The following ABHD17C variants were observed in gnomAD, a reference collection of about 807,000 sequenced individuals.
ABHD17C encodes the protein alpha/beta hydrolase domain-containing protein 17C.
A neutral mutation model predicts 27.9 loss-of-function variants in ABHD17C; 11 were observed. The ratio of observed to expected loss-of-function variants is 0.39; its 90% CI spans 0.25 to 0.65. ABHD17C has a LOEUF of 0.65. Ranked by LOEUF, ABHD17C falls within the 30% of genes least tolerant of loss-of-function variation. ABHD17C has a pLI of 0.45. For synonymous variants in ABHD17C, 233 were observed against 209.1 expected (o/e 1.11, Z -0.98); for missense variants, 280 against 470.2 (o/e 0.60, Z 3.74).
chr15:80,702,504 G>A (rs1222200196), intron 1 of ABHD17C, among the ~76,000 whole-genome samples: 1 of 152,022 alleles, frequency 6.6e-6, no homozygotes, highest in Non-Finnish European at 1.5e-5. Context: ...TTTTTCCCCT[G>A]CAGAAGTCAC....
intron 1 of ABHD17C, among the ~76,000 whole-genome samples, chr15:80,718,030 A>G (rs2141500630): frequency 6.6e-6 from 1 of 152,300 alleles, no homozygotes; most frequent in East Asian, 1.9e-4. Flanking sequence ...CTGATTATTG[A>G]AAAATAAATA....
At chr15:80,707,571 CA>C (rs1295808927) in intron 1 of ABHD17C, among the ~76,000 whole-genome samples, 2,080 of 139,436 alleles carry the variant, frequency 0.015, 31 homozygotes, top group African/African-American at 0.051. Flanking sequence ...AGCCCCCCCT[CA>C]AAAAAAAAAA....
intron 1 of ABHD17C, among the ~76,000 whole-genome samples, chr15:80,728,477 G>T (rs1393066317): frequency 6.6e-6 from 1 of 152,180 alleles, no homozygotes; most frequent in Non-Finnish European, 1.5e-5. Context: ...AGCTGAGAAG[G>T]ACCAAAGGAG....
At chr15:80,720,057 C>T (rs1894871209) in intron 1 of ABHD17C, among the ~76,000 whole-genome samples, 1 of 152,194 alleles carries the variant, frequency 6.6e-6, no homozygotes, top group Non-Finnish European at 1.5e-5. Flanking sequence ...ACCTTAGCCT[C>T]CCAAAGTGCT....
At chr15:80,720,272 T>A (rs977776456) in intron 1 of ABHD17C, among the ~76,000 whole-genome samples, 1 of 152,054 alleles carries the variant, frequency 6.6e-6, no homozygotes, top group Non-Finnish European at 1.5e-5. Flanking sequence ...AGGGATCACC[T>A]GAGGCCTTTC....
chr15:80,734,761 A>G (rs1410628857), intron 1 of ABHD17C, among the ~76,000 whole-genome samples: 1 of 152,190 alleles, frequency 6.6e-6, no homozygotes, highest in Non-Finnish European at 1.5e-5. Flanking sequence ...TCCTTGAACC[A>G]CTATTTGAAA....
At chr15:80,749,874 G>C (rs1895342716) in intron 2 of ABHD17C, among the ~76,000 whole-genome samples, 182 bp downstream of exon 2, 1 of 152,330 alleles carries the variant, frequency 6.6e-6, no homozygotes, top group Admixed American at 6.5e-5. Context: ...TATCCTCCCA[G>C]GCCTGACTCA....
At chr15:80,749,369 C>A in intron 1 of ABHD17C, 144 bp from the exon 2 acceptor site, 1 of 779,746 alleles carries the variant, frequency 1.3e-6, no homozygotes, top group Non-Finnish European at 1.9e-6. Context: ...TCACATTCAT[C>A]TTAAACTAAA....
intron 1 of ABHD17C, among the ~76,000 whole-genome samples, chr15:80,716,341 A>G (rs187479521): frequency 6.6e-6 from 1 of 152,290 alleles, no homozygotes; most frequent in Non-Finnish European, 1.5e-5. Flanking sequence ...CTAAGCTCCG[A>G]CATGCTTCTG....
intron 2 of ABHD17C, among the ~76,000 whole-genome samples, chr15:80,751,351 T>G (rs1895363495): frequency 6.6e-6 from 1 of 152,008 alleles, no homozygotes; most frequent in Non-Finnish European, 1.5e-5. Flanking sequence ...CAGAGCAAGA[T>G]TCTGTCTCCA....
At chr15:80,753,596 C>T (rs967406976) in intron 2 of ABHD17C, among the ~76,000 whole-genome samples, 38 of 152,142 alleles carry the variant, frequency 2.5e-4, no homozygotes, top group African/African-American at 8.0e-4. Flanking sequence ...GGCTGGAGTG[C>T]AGTGGCACGA....
chr15:80,749,824 G>A (rs1567039733), intron 2 of ABHD17C, 132 bp downstream of exon 2: 3 of 1,056,674 alleles, frequency 2.8e-6, no homozygotes, highest in Non-Finnish European at 4.1e-6. Flanking sequence ...GTGCCACAGG[G>A]CATGTGGGAG....
At chr15:80,747,782 C>T (rs1428982893) in intron 1 of ABHD17C, among the ~76,000 whole-genome samples, 2 of 152,146 alleles carry the variant, frequency 1.3e-5, no homozygotes, top group African/African-American at 2.4e-5. Flanking sequence ...AAATGGAGGA[C>T]GGATGCTGTT....
chr15:80,700,804 G>A (rs2141488627), intron 1 of ABHD17C, among the ~76,000 whole-genome samples: 1 of 152,290 alleles, frequency 6.6e-6, no homozygotes, highest in East Asian at 1.9e-4. Flanking sequence ...AGGAGGCTGA[G>A]GTGGGAGGAT....
intron 1 of ABHD17C, among the ~76,000 whole-genome samples, chr15:80,729,902 A>G (rs2141509896): frequency 6.6e-6 from 1 of 152,268 alleles, no homozygotes; most frequent in Middle Eastern, 3.4e-3. Context: ...ATTTGAGGTC[A>G]GGAGTTCAAG....
At chr15:80,697,237 C>A (rs74539451) in intron 1 of ABHD17C, among the ~76,000 whole-genome samples, 3,187 of 152,168 alleles carry the variant, frequency 0.021, 106 homozygotes, top group African/African-American at 0.073. Flanking sequence ...AAGGGGATGC[C>A]CTCATTGGGA....
intron 1 of ABHD17C, among the ~76,000 whole-genome samples, chr15:80,737,630 C>G (rs1486333854): frequency 6.6e-6 from 1 of 152,142 alleles, no homozygotes; most frequent in Non-Finnish European, 1.5e-5. Context: ...CATCCACCTT[C>G]CTGTCATTAA....
chr15:80,729,863 G>A (rs377370270), intron 1 of ABHD17C, among the ~76,000 whole-genome samples: 1 of 152,180 alleles, frequency 6.6e-6, no homozygotes, highest in African/African-American at 2.4e-5. Flanking sequence ...TGTAATCCCA[G>A]CACTTTGGAA....
intron 1 of ABHD17C, among the ~76,000 whole-genome samples, chr15:80,710,170 G>A (rs1361185978): frequency 6.6e-6 from 1 of 152,182 alleles, no homozygotes; most frequent in Non-Finnish European, 1.5e-5. Context: ...GCAGAAATGG[G>A]CTGAGGGACC....
Sources: gnomAD v4.1 joint callset for allele counts (sites outside exome capture counted in the v4.1 genomes callset) on GRCh38, gnomAD v4.1.1 for gene constraint, MANE v1.5 for transcripts, NCBI Gene and HGNC (gene_info 2026-07-23, HGNC 2026-07-21) for gene names.